Variants in CDK19 observed in about 807,000 individuals in gnomAD.
CDK19 encodes the protein cyclin dependent kinase 19.
Under a neutral mutation model 68.3 loss-of-function variants are expected in CDK19, and 20 were observed. The ratio of observed to expected loss-of-function variants is 0.29; its 90% CI spans 0.21 to 0.43. The LOEUF (loss-of-function observed/expected upper bound fraction) is 0.43. Among genes scored for constraint, CDK19 ranks in the 20% least tolerant of loss-of-function variants. CDK19 has a pLI of 1.00. For missense variants in CDK19, 339 were observed against 623.5 expected, an observed-to-expected ratio of 0.54 and a Z score of 4.86; for synonymous variants, 221 against 222.8, an observed-to-expected ratio of 0.99 and a Z score of 0.07.
chr6:110,654,736 T>C (rs1041514918), intron 4 of CDK19, among the ~76,000 whole-genome samples: 8 of 151,862 alleles, frequency 5.3e-5, no homozygotes, highest in African/African-American at 1.7e-4. Context: ...AGGTCAGGAG[T>C]TCGAGACCAG....
chr6:110,701,779 G>C (rs1774029575), intron 2 of CDK19, among the ~76,000 whole-genome samples: 1 of 152,092 alleles, frequency 6.6e-6, no homozygotes, highest in African/African-American at 2.4e-5. Context: ...ATAAGGAACT[G>C]GTTGAAGAAA....
intron 2 of CDK19, among the ~76,000 whole-genome samples, chr6:110,695,130 G>A (rs1773358702): frequency 2.1e-5 from 3 of 145,822 alleles, no homozygotes; most frequent in Non-Finnish European, 2.9e-5. Context: ...AAAGGGTAAA[G>A]GGGAAAGGGG....
rs564032480 is a variant in CDK19 at position 110,767,300 on chromosome 6, C to A, written c.129-21099G>T. On this transcript the variant is annotated intron_variant, in intron 1 of 12. Transcript: ENST00000368911. ...ATAGGAGGAATAAGTTCTGGTGTTCCATAGCACAGAAGAGTGACTATAGTT... is the reference window on the plus strand; with the variant it reads ...ATAGGAGGAATAAGTTCTGGTGTTCAATAGCACAGAAGAGTGACTATAGTT... Among the ~76,000 whole-genome samples the A allele has an allele frequency of 1.1e-3, 171 of 151,748 alleles. 1 individual carries two copies. The highest frequency in any genetic ancestry group is 4.0e-3 in the African/African-American group (166 of 41,422).
chr6:110,752,698 C>T (rs985444095), intron 1 of CDK19, among the ~76,000 whole-genome samples: 3 of 152,142 alleles, frequency 2.0e-5, no homozygotes, highest in Non-Finnish European at 2.9e-5. Flanking sequence ...TATGTCTTTG[C>T]TTTCATTTCT....
chr6:110,663,852 T>C (rs924668695), intron 4 of CDK19, among the ~76,000 whole-genome samples: 10 of 152,154 alleles, frequency 6.6e-5, no homozygotes, highest in Admixed American at 1.3e-4. Context: ...TCAAATCTTA[T>C]TAGAGTTACT....
At chr6:110,725,081 C>A (rs1412026213) in intron 2 of CDK19, among the ~76,000 whole-genome samples, 1 of 152,098 alleles carries the variant, frequency 6.6e-6, no homozygotes, top group Non-Finnish European at 1.5e-5. Context: ...TCTCCAGCAT[C>A]TGGAATTTGT....
chr6:110,682,327 C>T (rs561706623), intron 2 of CDK19, among the ~76,000 whole-genome samples: 29 of 152,262 alleles, frequency 1.9e-4, no homozygotes, highest in Non-Finnish European at 3.8e-4. Flanking sequence ...ACCTCTTTCC[C>T]CTTCCCAAAG....
At chr6:110,676,335 G>A (rs1335382542) in intron 2 of CDK19, among the ~76,000 whole-genome samples, 1 of 152,152 alleles carries the variant, frequency 6.6e-6, no homozygotes, top group Non-Finnish European at 1.5e-5. Flanking sequence ...ATCTACTCCT[G>A]GTGAAGATGC....
At chr6:110,742,475 G>C (rs1777753325) in intron 2 of CDK19, among the ~76,000 whole-genome samples, 1 of 152,174 alleles carries the variant, frequency 6.6e-6, no homozygotes, top group Admixed American at 6.6e-5. Context: ...CAGGGAACAA[G>C]GGAAGAAAAC....
intron 1 of CDK19, among the ~76,000 whole-genome samples, chr6:110,808,818 A>G (rs1782861195): frequency 6.6e-6 from 1 of 152,224 alleles, no homozygotes; most frequent in South Asian, 2.1e-4. Flanking sequence ...CAGAAGACAG[A>G]TTACTAGTCT....
At chr6:110,710,796 A>G (rs1407621839) in intron 2 of CDK19, among the ~76,000 whole-genome samples, 1 of 152,270 alleles carries the variant, frequency 6.6e-6, no homozygotes, top group African/African-American at 2.4e-5. Context: ...AGGCTAAGAT[A>G]TCAACATATG....
intron 8 of CDK19, 41 bp from the exon 9 acceptor site, chr6:110,623,403 A>G: frequency 6.9e-6 from 11 of 1,588,428 alleles, no homozygotes; most frequent in Non-Finnish European, 9.5e-6. Flanking sequence ...GGGAACACTC[A>G]TCCAATTGAT....
chr6:110,785,210 T>C (rs1781119102), intron 1 of CDK19, among the ~76,000 whole-genome samples: 1 of 152,004 alleles, frequency 6.6e-6, no homozygotes, highest in Admixed American at 6.6e-5. Flanking sequence ...TGATAGCCAA[T>C]TTGCCTTCAT....
chr6:110,623,820 A>G (rs927634572), intron 8 of CDK19, among the ~76,000 whole-genome samples: 1 of 147,766 alleles, frequency 6.8e-6, no homozygotes, highest in African/African-American at 2.5e-5. Flanking sequence ...ATATATACAC[A>G]TACATATACA....
intron 2 of CDK19, among the ~76,000 whole-genome samples, chr6:110,703,823 G>A (rs957295152): frequency 2.0e-5 from 3 of 152,106 alleles, no homozygotes; most frequent in Non-Finnish European, 4.4e-5. Flanking sequence ...CTCATTGACA[G>A]AGCAAGACCC....
chr6:110,623,573 C>A (rs1355064217), intron 8 of CDK19: 1 of 249,190 alleles, frequency 4.0e-6, no homozygotes, highest in Non-Finnish European at 6.4e-6. Context: ...GTTACAATCC[C>A]TTTGGAAAAC....
intron 6 of CDK19, among the ~76,000 whole-genome samples, chr6:110,631,187 C>G (rs992979073): frequency 1.3e-5 from 2 of 152,168 alleles, no homozygotes; most frequent in African/African-American, 4.8e-5. Flanking sequence ...TGCCAGTAAA[C>G]AGAAAATTCA....
intron 8 of CDK19, among the ~76,000 whole-genome samples, chr6:110,626,388 T>G (rs1779089849): frequency 6.6e-6 from 1 of 152,250 alleles, no homozygotes; most frequent in East Asian, 1.9e-4. Flanking sequence ...CTATAATTAA[T>G]GTACACTATG....
rs1017383130 is a variant in CDK19, at chr6:110,614,338, A to T, written c.*197T>A. On this transcript the variant is annotated 3_prime_UTR_variant, in exon 13 of 13. Coordinates refer to ENST00000368911, the MANE Select transcript of CDK19 (RefSeq NM_015076.5). ...CACATGCAGGGAAGGGGTGCTGGGG[A>T]AACTTCACAAGAATCTTCTTTAAGT... is the stretch of plus-strand genomic sequence containing the variant. 4.4e-6 allele frequency: 2 copies of T among 453,758 alleles called. No homozygotes were observed. Among genetic ancestry groups the T allele is most frequent in the African/African-American group, 3.8e-5 (2 of 52,130 alleles). 28.1% of individuals were successfully genotyped at this position (453,758 alleles called of 1,614,324 possible). A position where few individuals can be genotyped will look rare whatever the true frequency, so the allele number is the denominator to read the frequency against.
Sources: allele counts gnomAD v4.1 joint callset (sites outside exome capture counted in the v4.1 genomes callset), GRCh38; gene constraint gnomAD v4.1.1; transcripts MANE v1.5; gene names NCBI Gene and HGNC (gene_info 2026-07-23, HGNC 2026-07-21).